DCC: variants seen among roughly 807,000 people sequenced by gnomAD.
DCC encodes DCC netrin 1 receptor, also known as netrin receptor DCC.
DCC carries 58 observed loss-of-function variants against 172.5 expected under a neutral mutation model. The observed-to-expected ratio is 0.34, with a 90% CI of 0.27 to 0.42. DCC has a LOEUF of 0.42. Ranked by LOEUF, DCC falls within the 10% of genes least tolerant of loss-of-function variation. DCC has a pLI of 1.00. For missense variants in DCC, 1,740 were observed against 1,791.0 expected, an observed-to-expected ratio of 0.97 and a Z score of 0.51; for synonymous variants, 709 against 644.5, an observed-to-expected ratio of 1.10 and a Z score of -1.52.
intron 1 of DCC, among the ~76,000 whole-genome samples, chr18:52,378,340 G>T (rs1985439676): frequency 6.6e-6 from 1 of 151,628 alleles, no homozygotes; most frequent in Admixed American, 6.6e-5. Flanking sequence ...TTCACATTGA[G>T]AAGATTTGGG....
intron 1 of DCC, among the ~76,000 whole-genome samples, chr18:52,655,996 ATG>A (rs1476354298): frequency 1.4e-5 from 2 of 139,372 alleles, no homozygotes; most frequent in Admixed American, 7.4e-5. Context: ...GTATATATAT[ATG>A]TGCGTATATA....
rs570580959 is a variant in DCC, at chr18:52,567,209, C to T, written c.92-184845C>T. Among the ~76,000 whole-genome samples, 18 of 152,068 alleles carry T rather than the reference C, an allele frequency of 1.2e-4. No homozygotes were observed. The South Asian group carries it at 3.7e-3, about 32-fold the overall frequency. ...TCCTTCCAAACTTTATAGGTATATACCTAGAAATATTTTAGAAACCAATTT... is the reference window on the plus strand; with the variant it reads ...TCCTTCCAAACTTTATAGGTATATATCTAGAAATATTTTAGAAACCAATTT... On this transcript the variant is annotated intron_variant, in intron 1 of 28. Transcript: ENST00000442544.
chr18:52,465,909 C>T (rs1988771083), intron 1 of DCC, among the ~76,000 whole-genome samples: 1 of 152,070 alleles, frequency 6.6e-6, no homozygotes, highest in South Asian at 2.1e-4. Flanking sequence ...TAATTCTTAT[C>T]CAGATATAGG....
chr18:53,342,477 T>A (rs2057670478), intron 15 of DCC, among the ~76,000 whole-genome samples: 1 of 151,800 alleles, frequency 6.6e-6, no homozygotes, highest in Non-Finnish European at 1.5e-5. Context: ...TATCAATTTA[T>A]CTATCTTTAT....
intron 1 of DCC, among the ~76,000 whole-genome samples, chr18:52,676,786 A>G (rs529226315): frequency 1.3e-5 from 2 of 152,156 alleles, no homozygotes; most frequent in African/African-American, 4.8e-5. Context: ...GAGCCAGTGG[A>G]CCTTAATTCA....
rs1046836058 is a variant in DCC at position 52,812,831 on chromosome 18, A to G, written c.412+60457A>G. Among the ~76,000 whole-genome samples, 14 of 152,296 alleles carry G rather than the reference A, an allele frequency of 9.2e-5. No homozygotes were observed. In the East Asian group the frequency reaches 2.5e-3, roughly 27 times the overall value. On this transcript the variant is annotated intron_variant, in intron 2 of 28. Coordinates refer to ENST00000442544, the MANE Select transcript of DCC (RefSeq NM_005215.4). ...CAACAGATCTTAGCAACTACTGAAC[A>G]CTGTTGGGCTGAGAATTTGATAGTG...
chr18:52,580,320 C>G (rs968608914), intron 1 of DCC, among the ~76,000 whole-genome samples: 1 of 152,150 alleles, frequency 6.6e-6, no homozygotes, highest in African/African-American at 2.4e-5. Context: ...TGCAGTGGCG[C>G]GATCTCGGCT....
At chr18:52,403,733 C>T (rs1190897427) in intron 1 of DCC, among the ~76,000 whole-genome samples, 1 of 151,934 alleles carries the variant, frequency 6.6e-6, no homozygotes, top group Non-Finnish European at 1.5e-5. Context: ...GTGTTCAAAG[C>T]ATAACCCTTC....
intron 2 of DCC, among the ~76,000 whole-genome samples, chr18:52,777,072 A>C (rs1004275815): frequency 6.6e-6 from 1 of 152,154 alleles, no homozygotes; most frequent in African/African-American, 2.4e-5. Context: ...TTTACTTTTT[A>C]AAAAATTACC....
At chr18:52,584,626 T>C (rs1055274787) in intron 1 of DCC, among the ~76,000 whole-genome samples, 2 of 152,118 alleles carry the variant, frequency 1.3e-5, no homozygotes, top group African/African-American at 4.8e-5. Context: ...CTGGGCAAGT[T>C]ATTTGCTCAA....
At chr18:52,916,435 C>T (rs1410536665) in intron 3 of DCC, among the ~76,000 whole-genome samples, 2 of 152,158 alleles carry the variant, frequency 1.3e-5, no homozygotes, top group Non-Finnish European at 2.9e-5. Flanking sequence ...AGCTTCCCAA[C>T]ATTCAAGCAC....
intron 1 of DCC, among the ~76,000 whole-genome samples, chr18:52,627,127 C>T (rs2034589403): frequency 6.6e-6 from 1 of 152,190 alleles, no homozygotes; most frequent in Non-Finnish European, 1.5e-5. Context: ...CTTACTTCTG[C>T]AGAGAGATGT....
chr18:52,994,665 C>T (rs1360632060), intron 5 of DCC, among the ~76,000 whole-genome samples: 1 of 151,988 alleles, frequency 6.6e-6, no homozygotes, highest in Non-Finnish European at 1.5e-5. Flanking sequence ...AATTAGCAAC[C>T]TTTTTTGACT....
intron 1 of DCC, among the ~76,000 whole-genome samples, chr18:52,381,733 T>C (rs9946766): frequency 0.049 from 7,390 of 152,132 alleles, 586 homozygotes; most frequent in African/African-American, 0.17. Context: ...CTGCTTTCAC[T>C]GGGGCGGCTG....
At chr18:52,975,685 T>C (rs116911808) in intron 5 of DCC, among the ~76,000 whole-genome samples, 3,249 of 152,288 alleles carry the variant, frequency 0.021, 61 homozygotes, top group Admixed American at 0.039. Flanking sequence ...GCAAAGGATA[T>C]GATCTCATTC....
chr18:52,723,496 C>T (rs1304551475), intron 1 of DCC, among the ~76,000 whole-genome samples: 1 of 152,128 alleles, frequency 6.6e-6, no homozygotes, highest in Non-Finnish European at 1.5e-5. Flanking sequence ...TAGAAAAGAG[C>T]AGGTTTGGCT....
rs1375329645 is a variant in DCC at position 52,906,256 on chromosome 18, A to G, written c.625A>G (p.Ile209Val). ...ISRLQPGDIG[I>V]YRCSARNPAS... is the part of the protein sequence containing the mutation. ...CCGACTCCAACCGGGGGACATTGGA[A>G]TTTACCGATGCTCAGCTCGAAATCC... Residue 209 changes from isoleucine to valine, a missense_variant, in exon 3 of 29, where the codon ATT becomes GTT. This residue lies in a region of DCC where 1,732 missense variants were observed against 1,767.4 expected (regional missense o/e 0.98). Coordinates refer to ENST00000442544, the MANE Select transcript of DCC (RefSeq NM_005215.4). The G allele has an allele frequency of 5.0e-6, 8 of 1,614,080 alleles. No individual in the cohort carries two copies. Among genetic ancestry groups the G allele is most frequent in the Non-Finnish European group, 6.8e-6 (8 of 1,180,024 alleles).
intron 2 of DCC, among the ~76,000 whole-genome samples, chr18:52,856,191 C>T (rs2039049992): frequency 6.6e-6 from 1 of 151,966 alleles, no homozygotes; most frequent in Admixed American, 6.6e-5. Flanking sequence ...CAGTTGCATG[C>T]CTTGAATAAG....
chr18:53,206,943 G>T (rs1331095491), intron 10 of DCC, among the ~76,000 whole-genome samples: 1 of 151,956 alleles, frequency 6.6e-6, no homozygotes, highest in Non-Finnish European at 1.5e-5. Context: ...TATAAGATAA[G>T]CATTACAAGA....
Sources: allele counts gnomAD v4.1 joint callset (sites outside exome capture counted in the v4.1 genomes callset), GRCh38; gene constraint gnomAD v4.1.1; regional missense constraint gnomAD v4.1.1; transcripts MANE v1.5; gene names NCBI Gene and HGNC (gene_info 2026-07-23, HGNC 2026-07-21).